VAMP7: variants seen among roughly 807,000 people sequenced by gnomAD.
VAMP7 encodes vesicle-associated membrane protein 7.
In VAMP7, 14 loss-of-function variants were observed where a neutral mutation model predicts 29.6. That is an observed-to-expected ratio of 0.47 (90% CI 0.31 to 0.74). The LOEUF (loss-of-function observed/expected upper bound fraction) is 0.74, where lower values mean the gene tolerates loss of function less well. Among genes scored for constraint, VAMP7 ranks in the 30% least tolerant of loss-of-function variants. The pLI is 0.05. For missense variants in VAMP7, 223 were observed against 262.4 expected, an observed-to-expected ratio of 0.85 and a Z score of 1.04; for synonymous variants, 95 against 88.1, an observed-to-expected ratio of 1.08 and a Z score of -0.44.
At chrX:155,897,719 A>G (rs959495881) in intron 3 of VAMP7, among the ~76,000 whole-genome samples, 1 of 152,150 alleles carries the variant, frequency 6.6e-6, no homozygotes, top group Non-Finnish European at 1.5e-5. Flanking sequence ...TAGTATCTGT[A>G]TGTGTGAAAG....
At chrX:155,920,555 T>C (rs184271740) in intron 6 of VAMP7, among the ~76,000 whole-genome samples, 1 of 152,304 alleles carries the variant, frequency 6.6e-6, no homozygotes. Context: ...AAAACAGTGA[T>C]TGATTATGTT....
chrX:155,922,398 G>A (rs2066409337), intron 6 of VAMP7, among the ~76,000 whole-genome samples: 1 of 151,908 alleles, frequency 6.6e-6, no homozygotes, highest in Admixed American at 6.6e-5. Flanking sequence ...CCTTTAATAG[G>A]TGGAAGAATT....
chrX:155,916,241 G>A (rs946762935), intron 5 of VAMP7, among the ~76,000 whole-genome samples: 2 of 148,946 alleles, frequency 1.3e-5, no homozygotes, highest in Non-Finnish European at 2.9e-5. Flanking sequence ...TTTTGAGCCT[G>A]TGTGTGTCTT....
In VAMP7 at chrX:155,942,416, G is replaced by T; in HGVS notation, c.*465G>T. 2.4e-6 allele frequency: 1 copy of T among 420,118 alleles called. No homozygotes were observed. The highest frequency in any genetic ancestry group is 4.2e-6 in the Non-Finnish European group (1 of 236,852). 26.0% of individuals were successfully genotyped at this position (420,118 alleles called of 1,614,324 possible). Reference sequence around the variant, plus strand: ...TTCAAAACAATATAAATGGATAATAGTTGTTATTTGGGGAATTGTAATGAT... The same window carrying T: ...TTCAAAACAATATAAATGGATAATATTTGTTATTTGGGGAATTGTAATGAT... On this transcript the variant is annotated 3_prime_UTR_variant, in exon 8 of 8. Coordinates refer to ENST00000286448, the MANE Select transcript of VAMP7 (RefSeq NM_005638.6).
chrX:155,900,996 G>A lies in VAMP7; in HGVS notation c.433+409G>A, dbSNP rs191611810. 8.7e-4 allele frequency among the ~76,000 whole-genome samples: 132 copies of A among 152,098 alleles called. 1 individual carries two copies. The highest frequency in any genetic ancestry group is 1.5e-3 in the Non-Finnish European group (102 of 67,946). On this transcript the variant is annotated intron_variant, in intron 5 of 7. Coordinates refer to ENST00000286448, the MANE Select transcript of VAMP7 (RefSeq NM_005638.6). ...CCAGATAAGGAGCTTGCTGAAGAATGTCAATCAATATTGTGCTTCCTTCAC... is the reference window on the plus strand; with the variant it reads ...CCAGATAAGGAGCTTGCTGAAGAATATCAATCAATATTGTGCTTCCTTCAC...
chrX:155,882,805 G>C (rs1246491608), intron 1 of VAMP7, among the ~76,000 whole-genome samples: 1 of 152,130 alleles, frequency 6.6e-6, no homozygotes, highest in East Asian at 1.9e-4. Flanking sequence ...ACAGATATTT[G>C]AGGGAATATT....
intron 6 of VAMP7, among the ~76,000 whole-genome samples, 156 bp downstream of exon 6, chrX:155,920,036 AC>A (rs2066373225): frequency 6.6e-6 from 1 of 152,210 alleles, no homozygotes; most frequent in Non-Finnish European, 1.5e-5. Context: ...AATGAGGATA[AC>A]AATGAGGCAT....
At chrX:155,927,291 C>G (rs2066481708) in intron 6 of VAMP7, among the ~76,000 whole-genome samples, 1 of 151,260 alleles carries the variant, frequency 6.6e-6, no homozygotes, top group Non-Finnish European at 1.5e-5. Context: ...ATGGGTACAG[C>G]AAACCACCAT....
intron 3 of VAMP7, 30 bp downstream of exon 3, chrX:155,895,710 A>G (rs1485828087): frequency 1.3e-6 from 2 of 1,585,640 alleles, no homozygotes; most frequent in Non-Finnish European, 1.7e-6. Flanking sequence ...ATTGCTATTT[A>G]ACTATGTGTA....
chrX:155,894,376 T>A (rs1177556793), intron 2 of VAMP7, among the ~76,000 whole-genome samples: 1 of 150,698 alleles, frequency 6.6e-6, no homozygotes, highest in Non-Finnish European at 1.5e-5. Flanking sequence ...AGGCTAAAAC[T>A]TTTGGATGTT....
intron 1 of VAMP7, among the ~76,000 whole-genome samples, chrX:155,883,445 T>C (rs1306465746): frequency 1.3e-5 from 2 of 152,182 alleles, no homozygotes; most frequent in Admixed American, 6.6e-5. Flanking sequence ...AATAATCTGC[T>C]CATGATACAG....
intron 5 of VAMP7, among the ~76,000 whole-genome samples, chrX:155,911,107 T>G (rs1430149907): frequency 6.6e-6 from 1 of 152,166 alleles, no homozygotes; most frequent in Non-Finnish European, 1.5e-5. Context: ...TTGGTTGATT[T>G]TTGTATGTGA....
chrX:155,938,286 G>T (rs1382347110), intron 6 of VAMP7, among the ~76,000 whole-genome samples: 2 of 152,082 alleles, frequency 1.3e-5, no homozygotes, highest in African/African-American at 2.4e-5. Flanking sequence ...TTTAGCTCTA[G>T]ATGTAATCAG....
intron 6 of VAMP7, among the ~76,000 whole-genome samples, chrX:155,937,170 A>C (rs766042200): frequency 8.6e-4 from 131 of 152,314 alleles, no homozygotes; most frequent in African/African-American, 2.9e-3. Flanking sequence ...CTAGACACAG[A>C]TAGATAAATA....
chrX:155,882,948 T>C (rs2065821164), intron 1 of VAMP7, among the ~76,000 whole-genome samples: 1 of 152,206 alleles, frequency 6.6e-6, no homozygotes. Flanking sequence ...TGCATTCCTG[T>C]TCTTCATCCG....
intron 6 of VAMP7, among the ~76,000 whole-genome samples, chrX:155,933,119 A>G (rs1392473186): frequency 6.6e-6 from 1 of 152,070 alleles, no homozygotes; most frequent in African/African-American, 2.4e-5. Flanking sequence ...ATTTTATTGA[A>G]GATTTTTGCG....
At chrX:155,886,572 C>G (rs2065868157) in intron 1 of VAMP7, among the ~76,000 whole-genome samples, 2 of 152,102 alleles carry the variant, frequency 1.3e-5, no homozygotes, top group Non-Finnish European at 2.9e-5. Context: ...GTCATGTTCC[C>G]TCTAAGTCCT....
chrX:155,911,228 T>G (rs1310869042), intron 5 of VAMP7, among the ~76,000 whole-genome samples: 1 of 152,188 alleles, frequency 6.6e-6, no homozygotes, highest in African/African-American at 2.4e-5. Context: ...GCACCTTTGT[T>G]GAAAATCAGT....
intron 5 of VAMP7, among the ~76,000 whole-genome samples, chrX:155,901,901 C>T (rs921257632): frequency 5.9e-5 from 9 of 152,190 alleles, no homozygotes; most frequent in African/African-American, 2.2e-4. Flanking sequence ...TCTTCCAATT[C>T]TGTGAAGAAA....
Sources: allele counts gnomAD v4.1 joint callset (sites outside exome capture counted in the v4.1 genomes callset), GRCh38; gene constraint gnomAD v4.1.1; transcripts MANE v1.5; gene names NCBI Gene and HGNC (gene_info 2026-07-23, HGNC 2026-07-21).